Variants in DCC observed in about 807,000 individuals in gnomAD.
DCC encodes the protein DCC netrin 1 receptor.
In DCC, 58 loss-of-function variants were observed where a neutral mutation model predicts 172.5. The ratio of observed to expected loss-of-function variants is 0.34; its 90% CI spans 0.27 to 0.42. The LOEUF (loss-of-function observed/expected upper bound fraction) is 0.42, where lower values mean the gene tolerates loss of function less well. Among genes scored for constraint, DCC ranks in the 10% least tolerant of loss-of-function variants. The probability of loss-of-function intolerance (pLI) is 1.00; values close to 1 mark genes in which losing one functional copy is unlikely to be tolerated. For synonymous variants in DCC, 709 were observed against 644.5 expected (o/e 1.10, Z -1.52); for missense variants, 1,740 against 1,791.0 (o/e 0.97, Z 0.51).
intron 2 of DCC, among the ~76,000 whole-genome samples, chr18:52,843,331 C>T (rs1404769530): frequency 6.6e-6 from 1 of 152,032 alleles, no homozygotes; most frequent in Non-Finnish European, 1.5e-5. Context: ...GTAGAGAAGC[C>T]TTCTTCCAGA....
At chr18:53,240,789 C>T (rs1023570941) in intron 12 of DCC, among the ~76,000 whole-genome samples, 2 of 152,146 alleles carry the variant, frequency 1.3e-5, no homozygotes, top group Admixed American at 6.6e-5. Context: ...GAGGCTATGG[C>T]TACACTCACA....
rs1303063577 is a variant in DCC, at chr18:53,313,118, T to A, written c.2053+7399T>A. On this transcript the variant is annotated intron_variant, in intron 13 of 28. Coordinates refer to ENST00000442544, the MANE Select transcript of DCC (RefSeq NM_005215.4). The stretch of plus-strand genomic sequence containing the variant: ...AGGGAGGGAAGGAAAGAAAGCAACA[T>A]TGAAAGATCTTCTGATATCAGCTAT... Among the ~76,000 whole-genome samples the A allele has an allele frequency of 2.0e-5, 3 of 151,660 alleles. No individual in the cohort carries two copies. The South Asian group carries it at 6.2e-4, about 32-fold the overall frequency.
In DCC at chr18:52,768,166, C is replaced by T. The variant is rs577762777; in HGVS notation, c.412+15792C>T. The stretch of plus-strand genomic sequence containing the variant: ...AGCCTGTCAACATTTTCATTGTAAA[C>T]TCTATTTTCAGAGCTTTATAACTCA... On this transcript the variant is annotated intron_variant, in intron 2 of 28. Coordinates refer to ENST00000442544, the MANE Select transcript of DCC (RefSeq NM_005215.4). 5.3e-5 allele frequency among the ~76,000 whole-genome samples: 8 copies of T among 152,320 alleles called. No individual in the cohort carries two copies. In the South Asian group the frequency reaches 1.2e-3, roughly 24 times the overall value.
intron 1 of DCC, among the ~76,000 whole-genome samples, chr18:52,510,232 C>A (rs535796996): frequency 6.6e-6 from 1 of 152,240 alleles, no homozygotes; most frequent in Admixed American, 6.5e-5. Flanking sequence ...AGACATAAGC[C>A]CTTCTCTGAA....
chr18:52,685,830 A>C (rs905945509), intron 1 of DCC, among the ~76,000 whole-genome samples: 1 of 152,144 alleles, frequency 6.6e-6, no homozygotes, highest in African/African-American at 2.4e-5. Context: ...TCACATTCAC[A>C]GAGCCCCTTC....
At chr18:52,365,726 C>T (rs918232933) in intron 1 of DCC, among the ~76,000 whole-genome samples, 1 of 152,144 alleles carries the variant, frequency 6.6e-6, no homozygotes, top group African/African-American at 2.4e-5. Flanking sequence ...TGCTACAGAT[C>T]AGAGATTAGC....
intron 1 of DCC, among the ~76,000 whole-genome samples, chr18:52,345,976 T>C (rs552855388): frequency 3.3e-5 from 5 of 152,316 alleles, no homozygotes; most frequent in African/African-American, 1.2e-4. Flanking sequence ...CAAAATGGTG[T>C]TACCAGGTTG....
chr18:52,382,427 A>T (rs1310553796), intron 1 of DCC, among the ~76,000 whole-genome samples: 3 of 152,196 alleles, frequency 2.0e-5, no homozygotes, highest in Non-Finnish European at 4.4e-5. Context: ...AAATAAAATA[A>T]ATGCCTTAAT....
intron 7 of DCC, 138 bp downstream of exon 7, chr18:53,066,304 T>G: frequency 1.4e-6 from 1 of 701,804 alleles, no homozygotes; most frequent in Non-Finnish European, 2.4e-6. Context: ...GGTGTATACT[T>G]GTGTATTGAT....
intron 2 of DCC, among the ~76,000 whole-genome samples, chr18:52,846,823 T>G (rs888729069): frequency 6.6e-6 from 1 of 152,102 alleles, no homozygotes; most frequent in Non-Finnish European, 1.5e-5. Context: ...TCAATAACCA[T>G]GGAGATTATG....
chr18:52,386,273 G>A (rs577796930), intron 1 of DCC, among the ~76,000 whole-genome samples: 2 of 152,064 alleles, frequency 1.3e-5, no homozygotes, highest in Non-Finnish European at 2.9e-5. Context: ...GGGTTTTTAG[G>A]GGGTTTCCCA....
In DCC at chr18:53,462,125, T is replaced by C. The variant is rs141955441; in HGVS notation, c.3619+2667T>C. On this transcript the variant is annotated intron_variant, in intron 24 of 28. Transcript: ENST00000442544. ...GCTTTTGTGGACACGTGGGCTAACC[T>C]CTATGTGGTATCCAAATTCTGGGTC... Among the ~76,000 whole-genome samples, 211 of 152,278 alleles carry C rather than the reference T, an allele frequency of 1.4e-3. 2 individuals are homozygous for C. Among genetic ancestry groups the C allele is most frequent in the African/African-American group, 4.7e-3 (197 of 41,532 alleles).
intron 1 of DCC, among the ~76,000 whole-genome samples, chr18:52,596,105 C>A (rs1400447868): frequency 6.6e-6 from 1 of 152,144 alleles, no homozygotes; most frequent in Non-Finnish European, 1.5e-5. Flanking sequence ...TCAGCACTTA[C>A]AATCTTTATG....
At chr18:53,340,750 A>G (rs2057650478) in intron 15 of DCC, among the ~76,000 whole-genome samples, 2 of 152,162 alleles carry the variant, frequency 1.3e-5, no homozygotes, top group South Asian at 4.1e-4. Flanking sequence ...TCATAAAGCA[A>G]AATGTAAGTT....
rs955567271 is a variant in DCC at position 53,111,635 on chromosome 18, G to GA, written c.1261+45477dup. On this transcript the variant is annotated intron_variant, in intron 7 of 28. Coordinates refer to ENST00000442544, the MANE Select transcript of DCC (RefSeq NM_005215.4). Reference sequence around the variant, plus strand: ...TGTTTAAATTGCTTTAAAAGAGGAAGAAAAAAAATTATCTCATCATGTTTA... The same window carrying GA: ...TGTTTAAATTGCTTTAAAAGAGGAAGAAAAAAAAATTATCTCATCATGTTTA... Among the ~76,000 whole-genome samples, 6 of 151,278 alleles carry GA rather than the reference G, an allele frequency of 4.0e-5. No individual in the cohort carries two copies. The East Asian group carries it at 9.8e-4, about 25-fold the overall frequency.
intron 1 of DCC, among the ~76,000 whole-genome samples, chr18:52,697,314 A>G (rs1428891498): frequency 6.6e-6 from 1 of 152,216 alleles, no homozygotes; most frequent in Non-Finnish European, 1.5e-5. Context: ...GTTATCCACA[A>G]TAGTTATAAG....
At position 52,717,802 on chromosome 18, in the gene DCC, CAAA is replaced by C. The variant is rs760154046; in HGVS notation, c.92-34251_92-34249del. The stretch of plus-strand genomic sequence containing the variant: ...GAGATGATGTAAATGGTTGCCAAAT[CAAA>C]GAAGCAGTACCCAAAAGTACATTCT... On this transcript the variant is annotated intron_variant, in intron 1 of 28. Transcript: ENST00000442544. 8.5e-5 allele frequency among the ~76,000 whole-genome samples: 13 copies of C among 152,234 alleles called. No homozygotes were observed. The East Asian group carries it at 1.2e-3, about 14-fold the overall frequency.
intron 19 of DCC, among the ~76,000 whole-genome samples, chr18:53,404,951 G>A (rs1057488030): frequency 6.6e-6 from 1 of 151,734 alleles, no homozygotes; most frequent in Non-Finnish European, 1.5e-5. Context: ...TAAAAGCCTG[G>A]CTTATTTATG....
chr18:52,923,886 A>T, intron 4 of DCC, 29 bp downstream of exon 4: 4 of 1,573,840 alleles, frequency 2.5e-6, no homozygotes, highest in Non-Finnish European at 3.5e-6. Context: ...TTTTTTGTAA[A>T]GTGTACTTTT....
Sources: gnomAD v4.1 joint callset for allele counts (sites outside exome capture counted in the v4.1 genomes callset) on GRCh38, gnomAD v4.1.1 for gene constraint, MANE v1.5 for transcripts, NCBI Gene and HGNC (gene_info 2026-07-23, HGNC 2026-07-21) for gene names.